PLD5: variants seen among roughly 807,000 people sequenced by gnomAD.
The protein encoded by PLD5 is phospholipase D family member 5.
In PLD5, 36 loss-of-function variants were observed where a neutral mutation model predicts 61.1. The ratio of observed to expected loss-of-function variants is 0.59; its 90% CI spans 0.45 to 0.78. The LOEUF is 0.78. Among genes scored for constraint, PLD5 ranks in the 30% least tolerant of loss-of-function variants. The pLI is 0.00. For missense variants in PLD5, 515 were observed against 644.4 expected (o/e 0.80, Z 2.17); for synonymous variants, 243 against 242.8 (o/e 1.00, Z -0.01).
chr1:242,158,496 A>T (rs1665568887), intron 5 of PLD5, among the ~76,000 whole-genome samples: 1 of 152,060 alleles, frequency 6.6e-6, no homozygotes, highest in Admixed American at 6.5e-5. Flanking sequence ...TGCATGGGAA[A>T]ACCACAGTAT....
At chr1:242,523,943 GC>G in intron 1 of PLD5, 144 bp downstream of exon 1, 3 of 864,554 alleles carry the variant, frequency 3.5e-6, no homozygotes, top group Non-Finnish European at 5.1e-6. Context: ...AGGCAGAGAA[GC>G]CCCCGAATCC....
chr1:242,112,664 T>C (rs1286229677), intron 7 of PLD5, among the ~76,000 whole-genome samples: 1 of 152,198 alleles, frequency 6.6e-6, no homozygotes, highest in Non-Finnish European at 1.5e-5. Context: ...CTACCTACTA[T>C]GCATTATGTA....
chr1:242,387,672 T>C (rs548111102), intron 1 of PLD5, among the ~76,000 whole-genome samples: 2 of 142,614 alleles, frequency 1.4e-5, no homozygotes, highest in East Asian at 2.0e-4. Context: ...ATTTTATCTA[T>C]TTTATATAAA....
intron 1 of PLD5, among the ~76,000 whole-genome samples, chr1:242,504,073 A>G (rs1364852938): frequency 6.6e-6 from 1 of 152,198 alleles, no homozygotes; most frequent in African/African-American, 2.4e-5. Flanking sequence ...TTGTTATATT[A>G]CAAAACACAT....
intron 5 of PLD5, among the ~76,000 whole-genome samples, chr1:242,128,316 G>GA (rs10677359): frequency 0.41 from 59,585 of 146,166 alleles, 12,226 homozygotes; most frequent in East Asian, 0.61. Flanking sequence ...AGGAAAGAAA[G>GA]AAAAAAAAAA....
chr1:242,507,723 A>G (rs1231801094), intron 1 of PLD5, among the ~76,000 whole-genome samples: 2 of 152,142 alleles, frequency 1.3e-5, no homozygotes, highest in Non-Finnish European at 1.5e-5. Flanking sequence ...CTAGAAATCT[A>G]CTCTGTTCAT....
chr1:242,277,725 G>C (rs1048347574), intron 3 of PLD5, among the ~76,000 whole-genome samples: 32 of 150,954 alleles, frequency 2.1e-4, no homozygotes, highest in African/African-American at 7.5e-4. Context: ...GCTCACACCT[G>C]TAATCCCAGC....
At chr1:242,267,463 C>T (rs887317893) in intron 3 of PLD5, among the ~76,000 whole-genome samples, 1 of 152,160 alleles carries the variant, frequency 6.6e-6, no homozygotes, top group Non-Finnish European at 1.5e-5. Context: ...ATAAAAGTTG[C>T]TCAAAGTGGA....
At chr1:242,315,755 T>A (rs1372784884) in intron 2 of PLD5, among the ~76,000 whole-genome samples, 1 of 152,184 alleles carries the variant, frequency 6.6e-6, no homozygotes, top group East Asian at 1.9e-4. Flanking sequence ...TATGCCACCA[T>A]GCCCCACTCC....
intron 1 of PLD5, among the ~76,000 whole-genome samples, chr1:242,403,615 T>C (rs1664063024): frequency 6.6e-6 from 1 of 151,750 alleles, no homozygotes; most frequent in Non-Finnish European, 1.5e-5. Context: ...CAGGCATCCA[T>C]CACCAGGCCT....
intron 5 of PLD5, among the ~76,000 whole-genome samples, chr1:242,173,075 A>G (rs1666864814): frequency 2.0e-5 from 3 of 152,170 alleles, no homozygotes; most frequent in Admixed American, 2.0e-4. Context: ...AGGAGAAAGA[A>G]ATAAAGGGTA....
Position 242,329,008 on chromosome 1 carries a change from ATTTAT to A in PLD5, c.326+19093_326+19097del, listed in dbSNP as rs1326836061. 8.4e-5 allele frequency among the ~76,000 whole-genome samples: 7 copies of A among 83,764 alleles called. No individual in the cohort carries two copies. The South Asian group carries it at 3.8e-3, about 46-fold the overall frequency. 55.0% of individuals were successfully genotyped at this position (83,764 alleles called of 152,430 possible). A position where few individuals can be genotyped will look rare whatever the true frequency, so the allele number is the denominator to read the frequency against. ...TTTTTTCCTGCAAATTTTTTGTTTT[ATTTAT>A]TTATTATTTTTTTGAGACAGAGTCT... On this transcript the variant is annotated intron_variant, in intron 2 of 9. Transcript: ENST00000536534.
At chr1:242,360,300 A>C (rs1660995404) in intron 1 of PLD5, among the ~76,000 whole-genome samples, 1 of 152,192 alleles carries the variant, frequency 6.6e-6, no homozygotes, top group Non-Finnish European at 1.5e-5. Flanking sequence ...TGAACATTAA[A>C]AGGATCATGA....
At chr1:242,173,008 C>T (rs1298486345) in intron 5 of PLD5, among the ~76,000 whole-genome samples, 3 of 151,970 alleles carry the variant, frequency 2.0e-5, no homozygotes, top group South Asian at 4.1e-4. Context: ...CAGGGATGCC[C>T]TCTCTCACCA....
chr1:242,354,653 C>T lies in PLD5; in HGVS notation c.190-6411G>A, dbSNP rs554807330. 1.6e-4 allele frequency among the ~76,000 whole-genome samples: 25 copies of T among 152,096 alleles called. No individual in the cohort carries two copies. In the East Asian group the frequency reaches 3.5e-3, roughly 21 times the overall value. ...TCTTAACTTACTCTTCTTTCAAGGA[C>T]GTCCAATACTATGTTGAATAGAAGT... On this transcript the variant is annotated intron_variant, in intron 1 of 9. Coordinates refer to ENST00000536534, the MANE Select transcript of PLD5 (RefSeq NM_001372062.1).
intron 4 of PLD5, among the ~76,000 whole-genome samples, chr1:242,243,473 T>C (rs1373728202): frequency 6.6e-6 from 1 of 152,166 alleles, no homozygotes; most frequent in Non-Finnish European, 1.5e-5. Context: ...CAGGAAGAGA[T>C]ATTTACTACC....
chr1:242,369,560 G>A (rs979709386), intron 1 of PLD5, among the ~76,000 whole-genome samples: 2 of 152,164 alleles, frequency 1.3e-5, no homozygotes, highest in Non-Finnish European at 2.9e-5. Context: ...AATAAACAAA[G>A]ATTCAATGGA....
At chr1:242,292,221 G>T (rs1277111267) in intron 2 of PLD5, among the ~76,000 whole-genome samples, 2 of 152,092 alleles carry the variant, frequency 1.3e-5, no homozygotes, top group Non-Finnish European at 2.9e-5. Context: ...AGTAGTTTCT[G>T]CCTCCCCTAC....
chr1:242,210,098 T>C (rs1352588683), intron 5 of PLD5, among the ~76,000 whole-genome samples: 1 of 152,110 alleles, frequency 6.6e-6, no homozygotes, highest in Non-Finnish European at 1.5e-5. Context: ...CCCCACTGCA[T>C]CTCTCAGTTT....
Sources: gnomAD v4.1 joint callset for allele counts (sites outside exome capture counted in the v4.1 genomes callset) on GRCh38, gnomAD v4.1.1 for gene constraint, MANE v1.5 for transcripts, NCBI Gene and HGNC (gene_info 2026-07-23, HGNC 2026-07-21) for gene names.